Variants in B4GALNT3 observed in about 807,000 individuals in gnomAD.
The protein encoded by B4GALNT3 is beta-1,4-N-acetyl-galactosaminyltransferase 3, also known as beta-1,4-N-acetylgalactosaminyltransferase 3.
A neutral mutation model predicts 120.2 loss-of-function variants in B4GALNT3; 86 were observed. The ratio of observed to expected loss-of-function variants is 0.72; its 90% CI spans 0.60 to 0.86. B4GALNT3 has a LOEUF of 0.86. Among genes scored for constraint, B4GALNT3 ranks in the 40% least tolerant of loss-of-function variants. The probability of loss-of-function intolerance (pLI) is 0.00; values close to 1 mark genes in which losing one functional copy is unlikely to be tolerated. For synonymous variants in B4GALNT3, 518 were observed against 510.4 expected (o/e 1.01, Z -0.20); for missense variants, 1,167 against 1,298.9 (o/e 0.90, Z 1.56).
intron 6 of B4GALNT3, among the ~76,000 whole-genome samples, chr12:545,759 G>A (rs1489482440): frequency 3.0e-5 from 4 of 133,670 alleles, no homozygotes; most frequent in East Asian, 2.3e-4. Context: ...GGAGTGAGGA[G>A]TGGGGAGGTG....
At chr12:532,472 G>A (rs117112442) in intron 1 of B4GALNT3, among the ~76,000 whole-genome samples, 100 of 152,358 alleles carry the variant, frequency 6.6e-4, no homozygotes, top group Admixed American at 1.3e-3. Context: ...ACAGGACTGA[G>A]CTCAACTCTG....
At chr12:504,471 T>G (rs1946476766) in intron 1 of B4GALNT3, among the ~76,000 whole-genome samples, 1 of 151,380 alleles carries the variant, frequency 6.6e-6, no homozygotes, top group African/African-American at 2.4e-5. Context: ...CCGAACTCTT[T>G]TTTTCTGAGA....
rs1218246248 is a variant in B4GALNT3, at chr12:563,507, A to T, written c.*2056A>T. 2 of 152,198 alleles carry T rather than the reference A, an allele frequency of 1.3e-5. No homozygotes were observed. Among genetic ancestry groups the T allele is most frequent in the Non-Finnish European group, 2.9e-5 (2 of 68,018 alleles). 9.4% of individuals were successfully genotyped at this position (152,198 alleles called of 1,614,324 possible). A position where few individuals can be genotyped will look rare whatever the true frequency, so the allele number is the denominator to read the frequency against. On this transcript the variant is annotated 3_prime_UTR_variant, in exon 20 of 20. Transcript: ENST00000266383. ...ATACAGCAACTTCTTAGAAAAAAAA[A>T]AAGGTGCTTGTCTTTTCCTGTTGCT...
intron 1 of B4GALNT3, among the ~76,000 whole-genome samples, chr12:482,284 G>A (rs558891332): frequency 3.7e-4 from 57 of 152,284 alleles, no homozygotes; most frequent in African/African-American, 1.3e-3. Context: ...CTCTGATATC[G>A]TCCGTCAGTG....
chr12:541,050 A>G (rs563039941), intron 3 of B4GALNT3, among the ~76,000 whole-genome samples: 2 of 152,290 alleles, frequency 1.3e-5, no homozygotes, highest in African/African-American at 4.8e-5. Flanking sequence ...GCAGCTTCGG[A>G]GGTTTTAAGC....
intron 1 of B4GALNT3, among the ~76,000 whole-genome samples, chr12:514,180 T>A (rs1946625930): frequency 6.6e-6 from 1 of 150,676 alleles, no homozygotes; most frequent in Non-Finnish European, 1.5e-5. Flanking sequence ...TTGCCAACAC[T>A]TGTTATTGTC....
At chr12:512,175 TTCC>T (rs1946582925) in intron 1 of B4GALNT3, among the ~76,000 whole-genome samples, 2 of 82,490 alleles carry the variant, frequency 2.4e-5, no homozygotes, top group Non-Finnish European at 4.3e-5. Flanking sequence ...ACCTTCCGCC[TTCC>T]GCCTTCCACC....
intron 1 of B4GALNT3, among the ~76,000 whole-genome samples, chr12:477,978 G>A (rs1216180651): frequency 6.6e-6 from 1 of 152,164 alleles, no homozygotes; most frequent in Non-Finnish European, 1.5e-5. Context: ...GGGGCACAAT[G>A]GTTCAGAATG....
chr12:515,523 G>A (rs1278542364), intron 1 of B4GALNT3, among the ~76,000 whole-genome samples: 1 of 152,134 alleles, frequency 6.6e-6, no homozygotes, highest in Non-Finnish European at 1.5e-5. Context: ...ACAATTAAAA[G>A]GGATAAATTT....
chr12:470,761 T>A (rs1946128278), intron 1 of B4GALNT3, among the ~76,000 whole-genome samples: 1 of 152,120 alleles, frequency 6.6e-6, no homozygotes. Context: ...TGTTTTGAGA[T>A]GGAGTCTCGC....
intron 4 of B4GALNT3, 38 bp downstream of exon 4, chr12:544,472 C>A (rs762313364): frequency 9.1e-6 from 14 of 1,546,402 alleles, no homozygotes; most frequent in Non-Finnish European, 1.3e-5. Context: ...CCTCCCTCCA[C>A]ACCTGCCTCC....
At chr12:479,417 GC>G (rs1378962037) in intron 1 of B4GALNT3, among the ~76,000 whole-genome samples, 1 of 152,130 alleles carries the variant, frequency 6.6e-6, no homozygotes, top group Non-Finnish European at 1.5e-5. Context: ...TTCTTGGACT[GC>G]CAAACTGGGT....
chr12:473,098 A>T (rs1946153225), intron 1 of B4GALNT3, among the ~76,000 whole-genome samples: 1 of 151,758 alleles, frequency 6.6e-6, no homozygotes, highest in Non-Finnish European at 1.5e-5. Flanking sequence ...CCTCCCTAGT[A>T]GCTAAGACCA....
In B4GALNT3 at chr12:548,014, C is replaced by T. The variant is rs1182266706; in HGVS notation, c.708-10C>T. 6.2e-7 allele frequency: 1 copy of T among 1,613,606 alleles called. No individual in the cohort carries two copies. Among genetic ancestry groups the T allele is most frequent in the Non-Finnish European group, 8.5e-7 (1 of 1,179,836 alleles). On this transcript the variant is annotated splice_polypyrimidine_tract_variant and intron_variant, in intron 7 of 19. Transcript: ENST00000266383. The surrounding 1 kb of genome is among the most constrained non-coding windows in gnomAD (Gnocchi z 4.9). ...ATGGCGCTCTGCTTCCCTGCCCTCTCTCCCGCCAGCCTGTCAGCCTCCCAC... is the reference window on the plus strand; with the variant it reads ...ATGGCGCTCTGCTTCCCTGCCCTCTTTCCCGCCAGCCTGTCAGCCTCCCAC...
intron 1 of B4GALNT3, among the ~76,000 whole-genome samples, chr12:481,548 C>T (rs1946242643): frequency 6.6e-6 from 1 of 152,248 alleles, no homozygotes; most frequent in Non-Finnish European, 1.5e-5. Flanking sequence ...CTTCTCCTAA[C>T]CCTGTGTTGT....
At chr12:520,511 T>G (rs964523692) in intron 1 of B4GALNT3, among the ~76,000 whole-genome samples, 1 of 152,274 alleles carries the variant, frequency 6.6e-6, no homozygotes, top group Non-Finnish European at 1.5e-5. Context: ...ATTATCATAC[T>G]TTTCCCTGTA....
At chr12:534,696 C>T (rs1946840889) in intron 1 of B4GALNT3, among the ~76,000 whole-genome samples, 1 of 152,224 alleles carries the variant, frequency 6.6e-6, no homozygotes, top group South Asian at 2.1e-4. Context: ...TCAGCTCCGG[C>T]TCTATCCAGC....
intron 1 of B4GALNT3, among the ~76,000 whole-genome samples, chr12:496,785 G>A (rs994206470): frequency 6.6e-5 from 10 of 152,256 alleles, no homozygotes; most frequent in Middle Eastern, 3.4e-3. Context: ...TGCCTTCTGC[G>A]TCTGTGGATT....
intron 1 of B4GALNT3, among the ~76,000 whole-genome samples, chr12:521,170 C>T (rs561166244): frequency 2.6e-5 from 4 of 152,274 alleles, no homozygotes; most frequent in South Asian, 2.1e-4. Flanking sequence ...AGTCTAATGG[C>T]GTTAGAAGGA....
Sources: gnomAD v4.1 joint callset for allele counts (sites outside exome capture counted in the v4.1 genomes callset) on GRCh38, gnomAD v4.1.1 for gene constraint, Gnocchi (gnomAD v3.1) non-coding constraint, MANE v1.5 for transcripts, NCBI Gene and HGNC (gene_info 2026-07-23, HGNC 2026-07-21) for gene names.